ASIC2: variants seen among roughly 807,000 people sequenced by gnomAD.
ASIC2 encodes the protein acid-sensing ion channel 2.
A neutral mutation model predicts 57.3 loss-of-function variants in ASIC2; 25 were observed. That is an observed-to-expected ratio of 0.44 (90% CI 0.32 to 0.61). The LOEUF is 0.61. Among genes scored for constraint, ASIC2 ranks in the 20% least tolerant of loss-of-function variants. The pLI is 0.06. For synonymous variants in ASIC2, 319 were observed against 307.5 expected (o/e 1.04, Z -0.39); for missense variants, 641 against 738.1 (o/e 0.87, Z 1.52).
intron 1 of ASIC2, among the ~76,000 whole-genome samples, chr17:33,924,568 T>C (rs1915783284): frequency 6.6e-6 from 1 of 152,232 alleles, no homozygotes; most frequent in South Asian, 2.1e-4. Flanking sequence ...CAAAATTCTA[T>C]TTCCCCGTAG....
At chr17:33,502,942 G>A (rs888161886) in intron 1 of ASIC2, among the ~76,000 whole-genome samples, 22 of 152,238 alleles carry the variant, frequency 1.4e-4, no homozygotes, top group African/African-American at 2.2e-4. Context: ...ACAGGAAGGC[G>A]CATTTAAGAA....
chr17:33,445,432 A>G (rs556127667), intron 1 of ASIC2, among the ~76,000 whole-genome samples: 12 of 152,284 alleles, frequency 7.9e-5, no homozygotes, highest in African/African-American at 2.6e-4. Context: ...CTCTGTCTCT[A>G]AAATAAAATA....
At chr17:34,106,646 T>C (rs1409526335) in intron 1 of ASIC2, among the ~76,000 whole-genome samples, 1 of 152,208 alleles carries the variant, frequency 6.6e-6, no homozygotes, top group African/African-American at 2.4e-5. Flanking sequence ...TTTTCCATGA[T>C]TTATCATTCA....
At chr17:33,417,599 A>G (rs1395854738) in intron 1 of ASIC2, among the ~76,000 whole-genome samples, 2 of 152,146 alleles carry the variant, frequency 1.3e-5, no homozygotes, top group South Asian at 2.1e-4. Context: ...TGTGAAAACA[A>G]TGGTGTCCAG....
At chr17:33,436,853 C>CTTCTTTTTTTTTTTTTTTT (rs1356302162) in intron 1 of ASIC2, among the ~76,000 whole-genome samples, 1 of 66,596 alleles carries the variant, frequency 1.5e-5, no homozygotes, top group Non-Finnish European at 3.0e-5. Context: ...ATTCCAACTT[C>CTTCTTTTTTTTTTTTTTTT]TTTTTTTTTT....
chr17:33,364,027 C>T (rs1188063542), intron 1 of ASIC2, among the ~76,000 whole-genome samples: 2 of 152,190 alleles, frequency 1.3e-5, no homozygotes, highest in African/African-American at 4.8e-5. Flanking sequence ...AGAGATCTTT[C>T]TGGCCCAATG....
At chr17:33,020,397 C>T (rs1473172039) in intron 7 of ASIC2, among the ~76,000 whole-genome samples, 1 of 152,134 alleles carries the variant, frequency 6.6e-6, no homozygotes, top group Non-Finnish European at 1.5e-5. Flanking sequence ...GAGGCACCTG[C>T]CCCTTCCAAA....
intron 1 of ASIC2, among the ~76,000 whole-genome samples, chr17:34,131,579 G>A (rs1330174843): frequency 6.6e-6 from 1 of 152,226 alleles, no homozygotes; most frequent in Non-Finnish European, 1.5e-5. Flanking sequence ...GCCTGGGCAC[G>A]CAACCATTCC....
chr17:34,054,009 G>A (rs1409710647), intron 1 of ASIC2, among the ~76,000 whole-genome samples: 3 of 152,342 alleles, frequency 2.0e-5, no homozygotes, highest in Non-Finnish European at 4.4e-5. Context: ...CGAGAGCAAA[G>A]GACTCAGACC....
At chr17:34,072,833 T>G (rs1260481625) in intron 1 of ASIC2, among the ~76,000 whole-genome samples, 1 of 152,242 alleles carries the variant, frequency 6.6e-6, no homozygotes, top group Admixed American at 6.5e-5. Context: ...ATTTGGTCTT[T>G]TTTCTACTCT....
intron 1 of ASIC2, chr17:34,005,778 AC>A (rs1906504713): frequency 6.6e-6 from 1 of 152,212 alleles, no homozygotes; most frequent in Admixed American, 6.5e-5. Flanking sequence ...ACAGTTGTGT[AC>A]CCTGATGCTG....
At chr17:33,810,895 ACG>A (rs2142153544) in intron 1 of ASIC2, among the ~76,000 whole-genome samples, 1 of 150,604 alleles carries the variant, frequency 6.6e-6, no homozygotes, top group Non-Finnish European at 1.5e-5. Context: ...ACACACACAC[ACG>A]TGCATTCACA....
intron 1 of ASIC2, among the ~76,000 whole-genome samples, chr17:33,987,754 C>G (rs982328237): frequency 1.3e-4 from 20 of 152,204 alleles, no homozygotes; most frequent in African/African-American, 4.6e-4. Context: ...CTAATGCCCA[C>G]TGACTTATCA....
intron 1 of ASIC2, among the ~76,000 whole-genome samples, chr17:34,028,024 TATATGAGGA>T (rs1408700581): frequency 1.3e-5 from 2 of 152,166 alleles, no homozygotes; most frequent in Non-Finnish European, 2.9e-5. Context: ...ATATTCCACA[TATATGAGGA>T]AAATGAGGTT....
At chr17:33,596,766 T>C (rs188509276) in intron 1 of ASIC2, among the ~76,000 whole-genome samples, 2 of 152,344 alleles carry the variant, frequency 1.3e-5, no homozygotes, top group Admixed American at 1.3e-4. Flanking sequence ...CAGCCATCTT[T>C]TATGCTAACA....
intron 1 of ASIC2, among the ~76,000 whole-genome samples, chr17:33,329,032 T>C (rs1907196127): frequency 6.6e-6 from 1 of 152,154 alleles, no homozygotes; most frequent in African/African-American, 2.4e-5. Context: ...CTTCCTTATT[T>C]AAGAATACAC....
intron 1 of ASIC2, among the ~76,000 whole-genome samples, chr17:33,182,139 A>G (rs1383711851): frequency 6.6e-6 from 1 of 152,184 alleles, no homozygotes; most frequent in East Asian, 1.9e-4. Context: ...TATTGCAATA[A>G]TCTAGGGATG....
At chr17:33,359,490 G>A (rs946218073) in intron 1 of ASIC2, among the ~76,000 whole-genome samples, 9 of 152,148 alleles carry the variant, frequency 5.9e-5, no homozygotes, top group Non-Finnish European at 1.2e-4. Flanking sequence ...TCCAGTTCTG[G>A]TAGAAGCAGC....
intron 1 of ASIC2, among the ~76,000 whole-genome samples, chr17:33,762,652 T>C (rs1431244167): frequency 6.6e-6 from 1 of 152,164 alleles, no homozygotes; most frequent in Non-Finnish European, 1.5e-5. Flanking sequence ...CTCCTGGCCA[T>C]AGCCGTTGCA....
Sources: allele counts gnomAD v4.1 joint callset (sites outside exome capture counted in the v4.1 genomes callset), GRCh38; gene constraint gnomAD v4.1.1; transcripts MANE v1.5; gene names NCBI Gene and HGNC (gene_info 2026-07-23, HGNC 2026-07-21).